CELF4: variants seen among roughly 807,000 people sequenced by gnomAD.
CELF4 encodes CUG-BP- and ETR-3-like factor 4.
CELF4 carries 18 observed loss-of-function variants against 59.9 expected under a neutral mutation model. That is an observed-to-expected ratio of 0.30 (90% confidence interval 0.21 to 0.45). The LOEUF (loss-of-function observed/expected upper bound fraction) is 0.45. Ranked by LOEUF, CELF4 falls within the 20% of genes least tolerant of loss-of-function variation. The probability of loss-of-function intolerance (pLI) is 1.00; values close to 1 mark genes in which losing one functional copy is unlikely to be tolerated. For missense variants in CELF4, 456 were observed against 689.0 expected (o/e 0.66, Z 3.79); for synonymous variants, 261 against 267.1 (o/e 0.98, Z 0.22).
intron 2 of CELF4, among the ~76,000 whole-genome samples, chr18:37,446,293 G>A (rs1402827752): frequency 6.6e-6 from 1 of 152,186 alleles, no homozygotes; most frequent in Non-Finnish European, 1.5e-5. Context: ...ACCTTGTATT[G>A]TAGGCCAGGG....
At chr18:37,265,218 T>C (rs945967734) in intron 9 of CELF4, among the ~76,000 whole-genome samples, 17 of 152,070 alleles carry the variant, frequency 1.1e-4, no homozygotes, top group African/African-American at 3.9e-4. Context: ...TACGTGTGTG[T>C]ACGTGTGTGC....
chr18:37,435,834 C>T (rs1277193576), intron 2 of CELF4, among the ~76,000 whole-genome samples: 1 of 152,192 alleles, frequency 6.6e-6, no homozygotes, highest in Non-Finnish European at 1.5e-5. Context: ...TGCCACATCC[C>T]CAGGCAGAGC....
At chr18:37,501,304 G>C (rs1024803649) in intron 1 of CELF4, among the ~76,000 whole-genome samples, 2 of 152,230 alleles carry the variant, frequency 1.3e-5, no homozygotes, top group African/African-American at 2.4e-5. Flanking sequence ...AAGTTCCAGA[G>C]AATGAAAGTG....
intron 1 of CELF4, among the ~76,000 whole-genome samples, chr18:37,505,600 T>C (rs891880113): frequency 2.0e-5 from 3 of 152,106 alleles, no homozygotes; most frequent in African/African-American, 7.2e-5. Flanking sequence ...CTCCCCAGCC[T>C]TTTTGTGAAC....
intron 1 of CELF4, among the ~76,000 whole-genome samples, chr18:37,515,714 G>A (rs1219078924): frequency 6.6e-6 from 1 of 152,146 alleles, no homozygotes; most frequent in Non-Finnish European, 1.5e-5. Flanking sequence ...CTCCAGCTGG[G>A]GCATGGGGAG....
intron 2 of CELF4, among the ~76,000 whole-genome samples, chr18:37,398,999 G>T (rs2099282392): frequency 6.6e-6 from 1 of 152,148 alleles, no homozygotes; most frequent in Admixed American, 6.5e-5. Context: ...CCTGCCCACT[G>T]CTTCTCAGTC....
chr18:37,433,013 A>G (rs1436979927), intron 2 of CELF4, among the ~76,000 whole-genome samples: 2 of 152,308 alleles, frequency 1.3e-5, no homozygotes, highest in South Asian at 4.2e-4. Context: ...TCTTATTGCC[A>G]CACACACCTA....
intron 2 of CELF4, among the ~76,000 whole-genome samples, chr18:37,450,535 A>G (rs1164367529): frequency 2.7e-5 from 4 of 148,866 alleles, no homozygotes; most frequent in Non-Finnish European, 5.9e-5. Context: ...CTCCTTATTC[A>G]AGGCAGATAA....
At chr18:37,529,473 G>A (rs1159549905) in intron 1 of CELF4, among the ~76,000 whole-genome samples, 1 of 152,216 alleles carries the variant, frequency 6.6e-6, no homozygotes, top group Middle Eastern at 3.2e-3. Flanking sequence ...GGAGGAGCAG[G>A]CAAACCAGGG....
chr18:37,257,841 AGGGTCTG>A (rs2071010834), intron 11 of CELF4, among the ~76,000 whole-genome samples: 1 of 152,100 alleles, frequency 6.6e-6, no homozygotes. Flanking sequence ...GACTTACGAA[AGGGTCTG>A]GCCCAGAAGG....
In CELF4 at chr18:37,327,719, G is replaced by A. The variant is rs531162709; in HGVS notation, c.370-5838C>T. On this transcript the variant is annotated intron_variant, in intron 2 of 12. Transcript: ENST00000420428. ...ACTCATCCTGCCTCACTCTCCCTCG[G>A]GACAGCTGTCACTGCCCATGGGATC... 7.9e-5 allele frequency among the ~76,000 whole-genome samples: 12 copies of A among 152,248 alleles called. No individual in the cohort carries two copies. The East Asian group carries it at 2.1e-3, about 27-fold the overall frequency.
At chr18:37,307,418 G>A (rs1263874337) in intron 3 of CELF4, among the ~76,000 whole-genome samples, 1 of 152,182 alleles carries the variant, frequency 6.6e-6, no homozygotes, top group Non-Finnish European at 1.5e-5. Context: ...ATAAATGCCA[G>A]GAAAACAGAG....
intron 1 of CELF4, among the ~76,000 whole-genome samples, chr18:37,515,571 C>T (rs768626052): frequency 2.0e-5 from 3 of 152,176 alleles, no homozygotes; most frequent in African/African-American, 7.2e-5. Context: ...AAGACCGTAA[C>T]GCTGGAGGGA....
At chr18:37,380,402 A>G (rs1007061984) in intron 2 of CELF4, among the ~76,000 whole-genome samples, 2 of 152,066 alleles carry the variant, frequency 1.3e-5, no homozygotes, top group Non-Finnish European at 2.9e-5. Flanking sequence ...GTCTTTGCCC[A>G]ATTGCCCACT....
At position 37,244,671 on chromosome 18, in the gene CELF4, T is replaced by C. The variant is rs1254854793; in HGVS notation, c.*571A>G. On this transcript the variant is annotated 3_prime_UTR_variant, in exon 13 of 13. Transcript: ENST00000420428. ...CCATGAGGCAGGAAGGAGGGGGTCC[T>C]CCATTCCCCCTCTATTTGACATAGA... is the stretch of plus-strand genomic sequence containing the variant. The C allele has an allele frequency of 6.6e-6, 1 of 152,648 alleles. No individual in the cohort carries two copies. Among genetic ancestry groups the C allele is most frequent in the Middle Eastern group, 3.4e-3 (1 of 294 alleles). 9.5% of individuals were successfully genotyped at this position (152,648 alleles called of 1,614,324 possible). A position where few individuals can be genotyped will look rare whatever the true frequency, so the allele number is the denominator to read the frequency against.
At chr18:37,325,009 A>G (rs1419023610) in intron 2 of CELF4, among the ~76,000 whole-genome samples, 1 of 152,132 alleles carries the variant, frequency 6.6e-6, no homozygotes, top group African/African-American at 2.4e-5. Flanking sequence ...AGTTCCAAGC[A>G]GAGGCCAGGA....
chr18:37,253,147 C>T lies in CELF4; in HGVS notation c.*44+620G>A, dbSNP rs978753448. 2.6e-5 allele frequency among the ~76,000 whole-genome samples: 4 copies of T among 152,146 alleles called. No homozygotes were observed. The highest frequency in any genetic ancestry group is 9.7e-5 in the African/African-American group (4 of 41,438). On this transcript the variant is annotated intron_variant, in intron 12 of 12. Coordinates refer to ENST00000420428, the MANE Select transcript of CELF4 (RefSeq NM_020180.4). This position sits in a 1 kb window ranked among gnomAD's most constrained non-coding sequence, Gnocchi z 4.5. ...GTAACAACGACCACTCATCATGACC[C>T]GTGTGGGGCAGGCAGGGCCCGGGAT...
At chr18:37,358,579 C>T (rs1164472478) in intron 2 of CELF4, among the ~76,000 whole-genome samples, 1 of 152,222 alleles carries the variant, frequency 6.6e-6, no homozygotes, top group African/African-American at 2.4e-5. Flanking sequence ...CAGGTACCCC[C>T]AAGACAAGGC....
chr18:37,382,434 G>T (rs991781879), intron 2 of CELF4, among the ~76,000 whole-genome samples: 1 of 152,176 alleles, frequency 6.6e-6, no homozygotes, highest in South Asian at 2.1e-4. Context: ...ACCAAACCAG[G>T]CTCTGTCTTA....
Sources: allele counts gnomAD v4.1 joint callset (sites outside exome capture counted in the v4.1 genomes callset), GRCh38; gene constraint gnomAD v4.1.1; non-coding constraint Gnocchi (gnomAD v3.1); transcripts MANE v1.5; gene names NCBI Gene and HGNC (gene_info 2026-07-23, HGNC 2026-07-21).